Variants in ADK observed in about 807,000 individuals in gnomAD.
ADK encodes the protein adenosine kinase, also known as N6,N6-dimethyladenosine kinase.
In ADK, 24 loss-of-function variants were observed where a neutral mutation model predicts 44.7. That is an observed-to-expected ratio of 0.54 (90% CI 0.39 to 0.76). The LOEUF (loss-of-function observed/expected upper bound fraction) is 0.76. Among genes scored for constraint, ADK ranks in the 30% least tolerant of loss-of-function variants. The pLI is 0.00. For synonymous variants in ADK, 128 were observed against 142.6 expected (o/e 0.90, Z 0.73); for missense variants, 321 against 425.1 (o/e 0.76, Z 2.15).
intron 6 of ADK, among the ~76,000 whole-genome samples, chr10:74,512,315 A>G (rs1848364738): frequency 6.6e-6 from 1 of 150,590 alleles, no homozygotes; most frequent in African/African-American, 2.4e-5. Context: ...TCATAGAATC[A>G]ATTAGGAAGT....
chr10:74,655,464 A>G (rs1158038790), intron 9 of ADK: 2 of 461,200 alleles, frequency 4.3e-6, no homozygotes, highest in Non-Finnish European at 4.4e-6. Flanking sequence ...CTGAGGAATG[A>G]CACTCGCAAC....
chr10:74,603,329 A>G (rs1852207906), intron 9 of ADK, among the ~76,000 whole-genome samples: 1 of 152,036 alleles, frequency 6.6e-6, no homozygotes, highest in African/African-American at 2.4e-5. Context: ...ACATAGTTAT[A>G]CACATGCCAT....
intron 6 of ADK, among the ~76,000 whole-genome samples, chr10:74,520,867 C>T (rs1848798080): frequency 6.6e-6 from 1 of 152,048 alleles, no homozygotes; most frequent in South Asian, 2.1e-4. Context: ...ATTCTCAGTT[C>T]TAATTAACGT....
chr10:74,342,779 TTG>T lies in ADK; in HGVS notation c.273+28070_273+28071del, dbSNP rs757212421. 7.2e-3 allele frequency among the ~76,000 whole-genome samples: 1,016 copies of T among 141,130 alleles called. 14 individuals carry two copies. The highest frequency in any genetic ancestry group is 0.038 in the East Asian group (186 of 4,842). The allele number at this position is 141,130 out of a possible 152,430, so 92.6% of individuals were successfully genotyped here. On this transcript the variant is annotated intron_variant, in intron 4 of 10. Transcript: ENST00000539909. ...CATGAGCCGCTGTGCCTAGCTCAGT[TTG>T]TGTGTGTGTGTGTGTGTGTGTGTGT...
intron 6 of ADK, among the ~76,000 whole-genome samples, chr10:74,403,552 G>A (rs779368405): frequency 6.6e-5 from 10 of 152,188 alleles, no homozygotes; most frequent in Admixed American, 2.0e-4. Context: ...CGAGCCATGC[G>A]TGGGATATAA....
At chr10:74,293,165 CAA>C (rs59635944) in intron 3 of ADK, among the ~76,000 whole-genome samples, 134 of 79,090 alleles carry the variant, frequency 1.7e-3, no homozygotes, top group African/African-American at 5.5e-3. Context: ...AACCCTGTCT[CAA>C]AAAAAAAAAA....
intron 9 of ADK, among the ~76,000 whole-genome samples, chr10:74,636,674 C>T (rs1016907567): frequency 2.0e-5 from 3 of 151,990 alleles, no homozygotes; most frequent in Admixed American, 2.0e-4. Flanking sequence ...GAAAAAATAA[C>T]AATTTGTTGT....
intron 3 of ADK, among the ~76,000 whole-genome samples, chr10:74,226,642 G>GTT (rs1005775163): frequency 6.9e-6 from 1 of 144,264 alleles, no homozygotes; most frequent in Non-Finnish European, 1.5e-5. Context: ...ATATTTCAAA[G>GTT]TTTTTTTTTT....
chr10:74,480,223 TTTC>T (rs200001234), intron 6 of ADK, among the ~76,000 whole-genome samples: 1,576 of 148,950 alleles, frequency 0.011, 26 homozygotes, highest in African/African-American at 0.037. Flanking sequence ...TCTTTCTTTC[TTTC>T]TTTTTTTTTT....
chr10:74,208,676 C>T (rs144066041), intron 2 of ADK, among the ~76,000 whole-genome samples: 1,936 of 151,708 alleles, frequency 0.013, 48 homozygotes, highest in African/African-American at 0.044. Context: ...ACATTTTGAG[C>T]CACCATTAGA....
intron 7 of ADK, among the ~76,000 whole-genome samples, chr10:74,565,022 G>T (rs1850602733): frequency 6.6e-6 from 1 of 152,146 alleles, no homozygotes; most frequent in Non-Finnish European, 1.5e-5. Context: ...GGCATCTCCA[G>T]ATAGACTTTT....
chr10:74,253,369 A>G (rs1845718097), intron 3 of ADK, among the ~76,000 whole-genome samples: 1 of 152,158 alleles, frequency 6.6e-6, no homozygotes, highest in Non-Finnish European at 1.5e-5. Context: ...GGTCATTGCC[A>G]TGGAAAGTGG....
At chr10:74,537,528 A>G (rs1358969246) in intron 7 of ADK, among the ~76,000 whole-genome samples, 1 of 152,206 alleles carries the variant, frequency 6.6e-6, no homozygotes, top group Non-Finnish European at 1.5e-5. Context: ...CTTTGTAGTC[A>G]TTATCTAGCA....
chr10:74,670,271 T>A lies in ADK; in HGVS notation c.964+2T>A. Reference sequence around the variant, plus strand: ...GAGCTGGAGATGCATTTGTTGGAGGTACAGACTAATTTATTTCATTCTTAC... The same window carrying A: ...GAGCTGGAGATGCATTTGTTGGAGGAACAGACTAATTTATTTCATTCTTAC... On this transcript the variant is annotated splice_donor_variant, in intron 10 of 10. Coordinates refer to ENST00000539909, the MANE Select transcript of ADK (RefSeq NM_006721.4). LOFTEE classifies it high-confidence loss of function. The A allele has an allele frequency of 6.2e-7, 1 of 1,608,428 alleles. No homozygotes were observed. The highest frequency in any genetic ancestry group is 8.5e-7 in the Non-Finnish European group (1 of 1,174,942).
At chr10:74,604,539 G>C (rs957818562) in intron 9 of ADK, among the ~76,000 whole-genome samples, 8 of 152,010 alleles carry the variant, frequency 5.3e-5, no homozygotes, top group African/African-American at 1.9e-4. Context: ...TTTTTTGTCA[G>C]ATTTGTCAAA....
At chr10:74,498,393 G>T (rs1847769285) in intron 6 of ADK, among the ~76,000 whole-genome samples, 1 of 152,092 alleles carries the variant, frequency 6.6e-6, no homozygotes, top group South Asian at 2.1e-4. Context: ...CAAATAAGAA[G>T]AATTTTACAG....
chr10:74,209,328 CA>C (rs34440443), intron 2 of ADK, among the ~76,000 whole-genome samples: 4,854 of 152,268 alleles, frequency 0.032, 275 homozygotes, highest in African/African-American at 0.11. Flanking sequence ...CCTCGCCAGA[CA>C]CCAATCTTGC....
intron 1 of ADK, among the ~76,000 whole-genome samples, chr10:74,178,916 C>T (rs1417475884): frequency 6.6e-6 from 1 of 152,186 alleles, no homozygotes; most frequent in Non-Finnish European, 1.5e-5. Flanking sequence ...GGAATTGAAT[C>T]CAGATTTCCA....
At chr10:74,186,212 CTTCCT>C (rs746887908) in intron 1 of ADK, among the ~76,000 whole-genome samples, 2,025 of 138,330 alleles carry the variant, frequency 0.015, 24 homozygotes, top group African/African-American at 0.035. Flanking sequence ...CTTCCCTTCC[CTTCCT>C]TTCCCTTCCC....
Sources: gnomAD v4.1 joint callset for allele counts (sites outside exome capture counted in the v4.1 genomes callset) on GRCh38, gnomAD v4.1.1 for gene constraint, MANE v1.5 for transcripts, NCBI Gene and HGNC (gene_info 2026-07-23, HGNC 2026-07-21) for gene names.